SMG6: variants seen among roughly 807,000 people sequenced by gnomAD.
The protein encoded by SMG6 is telomerase-binding protein EST1A.
SMG6 carries 66 observed loss-of-function variants against 142.2 expected under a neutral mutation model. The observed-to-expected ratio is 0.46, with a 90% CI of 0.38 to 0.57. The LOEUF (loss-of-function observed/expected upper bound fraction) is 0.57. SMG6 is among the 20% of genes least tolerant of loss of function. The probability of loss-of-function intolerance (pLI) is 0.00; values close to 1 mark genes in which losing one functional copy is unlikely to be tolerated. For synonymous variants in SMG6, 779 were observed against 702.4 expected (o/e 1.11, Z -1.72); for missense variants, 1,793 against 1,832.0 (o/e 0.98, Z 0.39).
chr17:2,065,977 T>G, intron 16 of SMG6: 1 of 439,218 alleles, frequency 2.3e-6, no homozygotes. Context: ...GGTCCCTCTA[T>G]TGCATTCCTT....
rs141226599 is a variant in SMG6 at position 2,061,532 on chromosome 17, C to T, written c.4220G>A (p.Arg1407Gln). 66 of 1,574,948 alleles carry T rather than the reference C, an allele frequency of 4.2e-5. No homozygotes were observed. The highest frequency in any genetic ancestry group is 3.5e-4 in the African/African-American group (26 of 74,192). ...VKALTRNVPVRDIPAFLTWAQ... is the reference protein window; with the variant it reads ...VKALTRNVPVQDIPAFLTWAQ... ...CCACGTGAGGAAGGCTGGGATGTCCCGTACAGGAACATTCCTTGTGAGCGC... is the reference window on the plus strand; with the variant it reads ...CCACGTGAGGAAGGCTGGGATGTCCTGTACAGGAACATTCCTTGTGAGCGC... The change falls in exon 19 of 19, where the codon CGG (arginine) becomes CAG (glutamine). Residue 1407 changes from arginine to glutamine, a missense_variant. Transcript: ENST00000263073.
intron 13 of SMG6, among the ~76,000 whole-genome samples, chr17:2,099,654 T>C (rs138114701): frequency 5.1e-4 from 77 of 152,250 alleles, no homozygotes; most frequent in South Asian, 2.1e-3. Flanking sequence ...CCATGCCTCA[T>C]AGTTGGAGAC....
chr17:2,294,126 C>T (rs2075098117), intron 4 of SMG6, among the ~76,000 whole-genome samples: 1 of 152,180 alleles, frequency 6.6e-6, no homozygotes, highest in Admixed American at 6.5e-5. Context: ...CAGGAAGGCA[C>T]ACTCACTAAG....
chr17:2,226,967 C>G (rs561107835), intron 10 of SMG6, among the ~76,000 whole-genome samples: 1 of 152,160 alleles, frequency 6.6e-6, no homozygotes, highest in South Asian at 2.1e-4. Flanking sequence ...ATACAAGTGG[C>G]AAATAAACAC....
chr17:2,113,098 C>G (rs1054644597), intron 13 of SMG6, among the ~76,000 whole-genome samples: 3 of 151,986 alleles, frequency 2.0e-5, no homozygotes, highest in Non-Finnish European at 4.4e-5. Flanking sequence ...TGCTCTGTCA[C>G]CCAGGCTGGA....
chr17:2,299,288 C>T lies in SMG6; in HGVS notation c.1465G>A (p.Gly489Ser). The change falls in exon 2 of 19, where the codon GGT becomes AGT. Residue 489 changes from glycine to serine, a missense_variant. Gly to Ser is a moderately conservative substitution (Grantham distance 56, BLOSUM62 0). Transcript: ENST00000263073. The surrounding 1 kb of genome is among the most constrained non-coding windows in gnomAD (Gnocchi z 4.3). ...TDDEVSPTSW[G>S]DSRQAQASYY... Reference sequence around the variant, plus strand: ...GATGCCTGAGCCTGGCGTGAGTCACCCCAAGATGTAGGGCTGACTTCATCA... The same window carrying T: ...GATGCCTGAGCCTGGCGTGAGTCACTCCAAGATGTAGGGCTGACTTCATCA... The T allele has an allele frequency of 6.2e-7, 1 of 1,613,988 alleles. No individual in the cohort carries two copies. The highest frequency in any genetic ancestry group is 8.5e-7 in the Non-Finnish European group (1 of 1,180,012).
chr17:2,247,292 T>G (rs1025017902), intron 8 of SMG6, among the ~76,000 whole-genome samples: 2 of 152,232 alleles, frequency 1.3e-5, no homozygotes, highest in Admixed American at 1.3e-4. Flanking sequence ...GTGTTATTCT[T>G]ACAACTTTTC....
At chr17:2,110,581 G>T (rs2069286403) in intron 13 of SMG6, among the ~76,000 whole-genome samples, 1 of 152,214 alleles carries the variant, frequency 6.6e-6, no homozygotes, top group South Asian at 2.1e-4. Context: ...GTGTTGGGGG[G>T]ACTGATGGAA....
chr17:2,145,225 T>C (rs1264342608), intron 13 of SMG6, among the ~76,000 whole-genome samples: 2 of 151,980 alleles, frequency 1.3e-5, no homozygotes, highest in African/African-American at 4.8e-5. Context: ...GCGATTCTCA[T>C]GCTTCAGCCT....
Position 2,299,964 on chromosome 17 carries a change from G to A in SMG6, c.789C>T (p.Gly263=). ...RYRTRSTSSA[G]SNNSAEGAGL... ...CAGCTCCCTCAGCGCTGTTGTTGCT[G>A]CCAGCTGAGCTGGTGCTGCGCGTGC... Residue 263 remains glycine (G), a synonymous_variant, in exon 2 of 19, where the codon GGC becomes GGT. Coordinates refer to ENST00000263073, the MANE Select transcript of SMG6 (RefSeq NM_017575.5). This position sits in a 1 kb window ranked among gnomAD's most constrained non-coding sequence, Gnocchi z 4.3. 6.2e-7 allele frequency: 1 copy of A among 1,614,062 alleles called. No homozygotes were observed. The highest frequency in any genetic ancestry group is 1.7e-5 in the Admixed American group (1 of 60,024).
intron 13 of SMG6, among the ~76,000 whole-genome samples, chr17:2,165,134 G>C (rs373954654): frequency 6.6e-6 from 1 of 152,182 alleles, no homozygotes; most frequent in Non-Finnish European, 1.5e-5. Context: ...CTACGAATCA[G>C]TACCATTCGC....
chr17:2,157,038 G>C (rs970511979), intron 13 of SMG6, among the ~76,000 whole-genome samples: 1 of 152,160 alleles, frequency 6.6e-6, no homozygotes. Context: ...TTCTTCCACT[G>C]TTTGTGCTAG....
chr17:2,065,695 CCCA>C lies in SMG6; in HGVS notation c.3836-19_3836-17del. 2 of 1,600,162 alleles carry C rather than the reference CCCA, an allele frequency of 1.2e-6. No homozygotes were observed. Among genetic ancestry groups the C allele is most frequent in the Non-Finnish European group, 1.7e-6 (2 of 1,172,686 alleles). On this transcript the variant is annotated splice_polypyrimidine_tract_variant and intron_variant, in intron 16 of 18. Transcript: ENST00000263073. ...TCATTGATCACTGATGAGATAGAGC[CCCA>C]CAAGGTATCAGCCTCAGCAATCAGC...
intron 8 of SMG6, among the ~76,000 whole-genome samples, chr17:2,252,998 C>G (rs924483631): frequency 6.6e-6 from 1 of 151,920 alleles, no homozygotes; most frequent in African/African-American, 2.4e-5. Context: ...AAATAAAATT[C>G]TGTTGAAACA....
At chr17:2,210,006 C>T (rs970063482) in intron 10 of SMG6, among the ~76,000 whole-genome samples, 8 of 152,102 alleles carry the variant, frequency 5.3e-5, no homozygotes, top group Admixed American at 1.3e-4. Context: ...CCCAAATCAC[C>T]GCACCTTCCC....
At chr17:2,187,507 T>C (rs746065732) in intron 11 of SMG6, among the ~76,000 whole-genome samples, 1 of 152,184 alleles carries the variant, frequency 6.6e-6, no homozygotes, top group East Asian at 1.9e-4. Context: ...ATTAGGAATA[T>C]AGAGTCAAGT....
In SMG6 at chr17:2,299,111, G is replaced by T; in HGVS notation, c.1642C>A (p.Pro548Thr). ...VYPGPYYPGY[P>T]TPSGQYVCSP... ...CACACATACTGTCCTGACGGAGTCG[G>T]GTAGCCTGGGTAGTAAGGCCCTGGG... The change falls in exon 2 of 19, where the codon CCG (proline) becomes ACG (threonine). Residue 548 changes from proline to threonine, a missense_variant. Pro to Thr is a conservative substitution (Grantham distance 38, BLOSUM62 -1). Transcript: ENST00000263073. The surrounding 1 kb of genome is among the most constrained non-coding windows in gnomAD (Gnocchi z 4.3). 9 of 1,614,052 alleles carry T rather than the reference G, an allele frequency of 5.6e-6. No homozygotes were observed. Among genetic ancestry groups the T allele is most frequent in the Non-Finnish European group, 6.8e-6 (8 of 1,179,940 alleles).
chr17:2,183,710 G>A (rs941772271), intron 12 of SMG6, among the ~76,000 whole-genome samples: 4 of 150,842 alleles, frequency 2.7e-5, no homozygotes, highest in Non-Finnish European at 4.4e-5. Flanking sequence ...TAGCTTGTGG[G>A]CCATGGTATG....
intron 6 of SMG6, among the ~76,000 whole-genome samples, chr17:2,284,164 G>A (rs953930161): frequency 9.2e-5 from 14 of 152,018 alleles, no homozygotes; most frequent in African/African-American, 2.4e-4. Context: ...GAGTTGACTC[G>A]GAAACTTTGG....
Sources: allele counts gnomAD v4.1 joint callset (sites outside exome capture counted in the v4.1 genomes callset), GRCh38; gene constraint gnomAD v4.1.1; non-coding constraint Gnocchi (gnomAD v3.1); transcripts MANE v1.5; gene names NCBI Gene and HGNC (gene_info 2026-07-23, HGNC 2026-07-21).